MAST4: variants seen among roughly 807,000 people sequenced by gnomAD.
MAST4 encodes microtubule-associated serine/threonine-protein kinase 4.
In MAST4, 89 loss-of-function variants were observed where a neutral mutation model predicts 162.7. That is an observed-to-expected ratio of 0.55 (90% CI 0.46 to 0.65). MAST4 has a LOEUF of 0.65. Ranked by LOEUF, MAST4 falls within the 30% of genes least tolerant of loss-of-function variation. The pLI, the probability that MAST4 is intolerant of heterozygous loss-of-function variation, is 0.00. For synonymous variants in MAST4, 1,479 were observed against 1,361.1 expected (o/e 1.09, Z -1.91); for missense variants, 3,153 against 3,374.0 (o/e 0.93, Z 1.62).
intron 1 of MAST4, among the ~76,000 whole-genome samples, chr5:66,705,385 C>T (rs187596545): frequency 7.9e-5 from 12 of 152,156 alleles, no homozygotes; most frequent in East Asian, 3.9e-4. Context: ...TGTTTCTAAT[C>T]GCTGCTGCAT....
chr5:66,680,862 T>G (rs534683499), intron 1 of MAST4, among the ~76,000 whole-genome samples: 8 of 152,332 alleles, frequency 5.3e-5, no homozygotes, highest in African/African-American at 1.4e-4. Context: ...AGGAGTCACC[T>G]TGACCTGGAG....
At chr5:66,939,237 ACT>A (rs554853130) in intron 4 of MAST4, among the ~76,000 whole-genome samples, 14 of 152,210 alleles carry the variant, frequency 9.2e-5, no homozygotes, top group Middle Eastern at 6.8e-3. Flanking sequence ...GAAATTAAGA[ACT>A]CTCTGGATGG....
At chr5:67,149,643 C>T (rs1246723797) in intron 24 of MAST4, 54 bp downstream of exon 24, 3 of 1,536,314 alleles carry the variant, frequency 2.0e-6, no homozygotes, top group Non-Finnish European at 2.7e-6. Context: ...TGGTCCCATC[C>T]CTCCTCTCCC....
intron 4 of MAST4, among the ~76,000 whole-genome samples, chr5:67,015,932 A>C (rs908212126): frequency 6.6e-6 from 1 of 152,346 alleles, no homozygotes; most frequent in African/African-American, 2.4e-5. Context: ...ACAGGGTCTG[A>C]GGATTTATCA....
chr5:66,711,033 C>T (rs1177672566), intron 1 of MAST4, among the ~76,000 whole-genome samples: 1 of 152,154 alleles, frequency 6.6e-6, no homozygotes, highest in Non-Finnish European at 1.5e-5. Context: ...TGAACACTAA[C>T]CTCTAACACT....
At chr5:66,615,707 G>A (rs1446090230) in intron 1 of MAST4, among the ~76,000 whole-genome samples, 3 of 152,050 alleles carry the variant, frequency 2.0e-5, no homozygotes, top group Non-Finnish European at 4.4e-5. Flanking sequence ...CAGCTACTTG[G>A]AAGGTTGAGA....
chr5:67,166,528 G>C lies in MAST4; in HGVS notation c.7349G>C (p.Arg2450Pro), dbSNP rs576028127. Residue 2450 changes from arginine to proline, a missense_variant, in exon 29 of 29, where the codon CGA (arginine) becomes CCA (proline). Physicochemically the swap from Arg to Pro is moderately radical, Grantham distance 103. Around this residue, in one of 7 missense-constraint regions of MAST4, gnomAD observed 1,644 missense variants for 1,495.0 expected, o/e 1.10. Coordinates refer to ENST00000403625, the MANE Select transcript of MAST4 (RefSeq NM_001164664.2). ...TCAGCCACTGGGCAGAGTTCTTTCC[G>C]ATCCACGGCCCTCCCGGAAAAGTCT... ...SPSATGQSSF[R>P]STALPEKSLS... is the part of the protein sequence containing the mutation. The C allele has an allele frequency of 1.2e-6, 2 of 1,607,368 alleles. No homozygotes were observed. The highest frequency in any genetic ancestry group is 1.7e-6 in the Non-Finnish European group (2 of 1,177,076).
intron 3 of MAST4, among the ~76,000 whole-genome samples, chr5:66,818,424 T>G (rs1756831178): frequency 7.3e-6 from 1 of 136,598 alleles, no homozygotes; most frequent in East Asian, 2.0e-4. Flanking sequence ...ATTTTGCCAC[T>G]AAAAATAAAA....
At chr5:66,761,189 T>G (rs1381272681) in intron 2 of MAST4, among the ~76,000 whole-genome samples, 1 of 152,250 alleles carries the variant, frequency 6.6e-6, no homozygotes, top group African/African-American at 2.4e-5. Context: ...CCTTTTCAAG[T>G]GCTTATTGGA....
At chr5:67,072,412 T>C (rs1334887655) in intron 5 of MAST4, among the ~76,000 whole-genome samples, 1 of 152,224 alleles carries the variant, frequency 6.6e-6, no homozygotes, top group African/African-American at 2.4e-5. Flanking sequence ...AAATCCATAA[T>C]GTAGAAAGAC....
intron 4 of MAST4, among the ~76,000 whole-genome samples, chr5:66,943,306 A>G: frequency 6.6e-6 from 1 of 152,176 alleles, no homozygotes; most frequent in East Asian, 1.9e-4. Context: ...AGCCCAGAGC[A>G]ACCATTTATA....
At chr5:67,064,144 A>G (rs979309020) in intron 5 of MAST4, among the ~76,000 whole-genome samples, 3 of 152,176 alleles carry the variant, frequency 2.0e-5, no homozygotes, top group African/African-American at 7.2e-5. Context: ...GGAGGAAATC[A>G]TTGAAAGGAG....
intron 1 of MAST4, among the ~76,000 whole-genome samples, chr5:66,634,309 T>A (rs1744966722): frequency 6.6e-6 from 1 of 152,208 alleles, no homozygotes; most frequent in Non-Finnish European, 1.5e-5. Context: ...TCCGCCTGCC[T>A]TGGCCTCCCA....
At position 66,702,220 on chromosome 5, in the gene MAST4, G is replaced by A. The variant is rs1580238268; in HGVS notation, c.364-57489G>A. 7.2e-5 allele frequency among the ~76,000 whole-genome samples: 11 copies of A among 152,290 alleles called. No homozygotes were observed. The South Asian group carries it at 2.3e-3, about 32-fold the overall frequency. On this transcript the variant is annotated intron_variant, in intron 1 of 28. Coordinates refer to ENST00000403625, the MANE Select transcript of MAST4 (RefSeq NM_001164664.2). ...GGGTAACTGCCTTATGCAGAGCAGAGGATCCTCATCCCAGTGGTCCCTCGA... is the reference window on the plus strand; with the variant it reads ...GGGTAACTGCCTTATGCAGAGCAGAAGATCCTCATCCCAGTGGTCCCTCGA...
chr5:66,832,636 A>G (rs755618242), intron 3 of MAST4, among the ~76,000 whole-genome samples: 20 of 152,102 alleles, frequency 1.3e-4, no homozygotes, highest in Non-Finnish European at 2.2e-4. Flanking sequence ...CAATGTCTCA[A>G]TGTTTCTTCT....
At chr5:67,098,694 A>G (rs1764710038) in intron 7 of MAST4, among the ~76,000 whole-genome samples, 1 of 152,196 alleles carries the variant, frequency 6.6e-6, no homozygotes, top group South Asian at 2.1e-4. Context: ...AACTAGCAGC[A>G]TAATTTTTTG....
In MAST4 at chr5:67,164,836, C is replaced by A. The variant is rs1773677809; in HGVS notation, c.5657C>A (p.Ser1886Ter). ...FLPPSRGLQN[S>*]PAVSLPDPEF... ...CCCCCCAGCCGAGGTCTCCAGAATT[C>A]ACCAGCAGTTTCCCTGCCTGACCCA... The change falls in exon 29 of 29, where the codon TCA (serine) becomes TAA (stop). Residue 1886 changes from serine to a stop codon, truncating the protein, a stop_gained. Coordinates refer to ENST00000403625, the MANE Select transcript of MAST4 (RefSeq NM_001164664.2). LOFTEE classifies it low-confidence loss of function (END_TRUNC). This position sits in a 1 kb window ranked among gnomAD's most constrained non-coding sequence, Gnocchi z 5.3. 1 of 1,613,908 alleles carries A rather than the reference C, an allele frequency of 6.2e-7. No homozygotes were observed. Among genetic ancestry groups the A allele is most frequent in the Non-Finnish European group, 8.5e-7 (1 of 1,179,900 alleles).
chr5:66,945,984 G>C (rs527485526), intron 4 of MAST4, among the ~76,000 whole-genome samples: 2 of 152,230 alleles, frequency 1.3e-5, no homozygotes, highest in African/African-American at 4.8e-5. Context: ...TAGGTAGAAG[G>C]GTTTCAAAAT....
intron 4 of MAST4, among the ~76,000 whole-genome samples, chr5:66,965,310 A>G (rs1392110080): frequency 6.7e-6 from 1 of 149,284 alleles, no homozygotes; most frequent in South Asian, 2.1e-4. Flanking sequence ...AAGAAATTGA[A>G]CTGTGTCCTG....
Sources: allele counts gnomAD v4.1 joint callset (sites outside exome capture counted in the v4.1 genomes callset), GRCh38; gene constraint gnomAD v4.1.1; regional missense constraint gnomAD v4.1.1; non-coding constraint Gnocchi (gnomAD v3.1); transcripts MANE v1.5; gene names NCBI Gene and HGNC (gene_info 2026-07-23, HGNC 2026-07-21).